C1QTNF3: variants seen among roughly 807,000 people sequenced by gnomAD.
C1QTNF3 encodes the protein C1q and TNF related 3, also known as complement C1q tumor necrosis factor-related protein 3.
A neutral mutation model predicts 32.6 loss-of-function variants in C1QTNF3; 26 were observed. The observed-to-expected ratio is 0.80, with a 90% CI of 0.58 to 1.11. The LOEUF (loss-of-function observed/expected upper bound fraction) is 1.11, where lower values mean the gene tolerates loss of function less well. C1QTNF3 is among the 50% of genes least tolerant of loss of function. The pLI is 0.00. For missense variants in C1QTNF3, 362 were observed against 398.2 expected, an observed-to-expected ratio of 0.91 and a Z score of 0.77; for synonymous variants, 155 against 146.0, an observed-to-expected ratio of 1.06 and a Z score of -0.44.
chr5:34,054,605 A>T, the C1QTNF3 span, among the ~76,000 whole-genome samples: 1 of 152,232 alleles, frequency 6.6e-6, no homozygotes, highest in East Asian at 1.9e-4. Flanking sequence ...TCTAAGCCTG[A>T]TCACTCCAGG....
chr5:34,166,462 G>A, the C1QTNF3 span: 1 of 151,956 alleles, frequency 6.6e-6, no homozygotes, highest in African/African-American at 2.4e-5. Flanking sequence ...TCTAGTTCTC[G>A]ACTTATATAG....
At chr5:34,053,293 C>G in the C1QTNF3 span, among the ~76,000 whole-genome samples, 1 of 152,164 alleles carries the variant, frequency 6.6e-6, no homozygotes, top group African/African-American at 2.4e-5. Context: ...GACACTCCAC[C>G]CGAACCACAA....
the C1QTNF3 span, among the ~76,000 whole-genome samples, chr5:34,123,592 C>T: frequency 1.3e-5 from 2 of 149,516 alleles, no homozygotes; most frequent in Admixed American, 6.8e-5. Flanking sequence ...ATGTTGTACT[C>T]CCAATTTCCA....
chr5:34,059,833 A>G, the C1QTNF3 span, among the ~76,000 whole-genome samples: 8 of 152,194 alleles, frequency 5.3e-5, no homozygotes, highest in Non-Finnish European at 1.2e-4. Flanking sequence ...CCATAACAAT[A>G]GCTATGACCT....
At chr5:34,162,614 G>C in the C1QTNF3 span, among the ~76,000 whole-genome samples, 1 of 152,026 alleles carries the variant, frequency 6.6e-6, no homozygotes. Flanking sequence ...GTTTTTATAT[G>C]CAAGTTCTCT....
At chr5:34,093,807 T>A in the C1QTNF3 span, among the ~76,000 whole-genome samples, 1 of 152,108 alleles carries the variant, frequency 6.6e-6, no homozygotes, top group African/African-American at 2.4e-5. Context: ...CATCACACAC[T>A]CTGTATTCTG....
the C1QTNF3 span, chr5:34,175,334 C>A: frequency 0.017 from 2,723 of 159,528 alleles, 75 homozygotes; most frequent in African/African-American, 0.061. Flanking sequence ...CATGAGCCAC[C>A]ATGCGGTCTG....
chr5:34,083,714 G>A, the C1QTNF3 span, among the ~76,000 whole-genome samples: 6 of 151,802 alleles, frequency 4.0e-5, no homozygotes, highest in East Asian at 5.8e-4. Flanking sequence ...ACTAAATGCC[G>A]GTAGTAATTC....
At chr5:34,233,711 T>G in the C1QTNF3 span, among the ~76,000 whole-genome samples, 4,799 of 152,142 alleles carry the variant, frequency 0.032, 115 homozygotes, top group African/African-American at 0.058. Flanking sequence ...CGTTTTTTTT[T>G]TTGTTGTTGG....
chr5:34,195,936 G>A, the C1QTNF3 span, among the ~76,000 whole-genome samples: 2 of 152,304 alleles, frequency 1.3e-5, no homozygotes, highest in Non-Finnish European at 2.9e-5. Flanking sequence ...TTTAGATGAG[G>A]TCATGAGAAT....
upstream of C1QTNF3, among the ~76,000 whole-genome samples, chr5:34,044,566 G>A (rs1200960957): frequency 1.3e-5 from 2 of 152,160 alleles, no homozygotes; most frequent in Non-Finnish European, 2.9e-5. Context: ...GCCATCTCTG[G>A]AAGTGGCCAG....
chr5:34,203,126 AAACAC>A, the C1QTNF3 span, among the ~76,000 whole-genome samples: 3 of 152,216 alleles, frequency 2.0e-5, no homozygotes, highest in East Asian at 5.8e-4. Context: ...ATCATCATCA[AAACAC>A]ATGAAAGTAG....
At chr5:34,208,418 G>A in the C1QTNF3 span, among the ~76,000 whole-genome samples, 2 of 151,820 alleles carry the variant, frequency 1.3e-5, no homozygotes, top group Admixed American at 6.6e-5. Flanking sequence ...GGGAACTATC[G>A]TGTACACTGT....
the C1QTNF3 span, among the ~76,000 whole-genome samples, chr5:34,197,916 C>T: frequency 1.9e-4 from 29 of 152,010 alleles, no homozygotes; most frequent in Admixed American, 4.6e-4. Flanking sequence ...GGGTCAAGGA[C>T]GCTTTTTGGG....
intron 2 of C1QTNF3, among the ~76,000 whole-genome samples, chr5:34,034,342 T>C (rs1287841277): frequency 2.6e-5 from 4 of 152,248 alleles, no homozygotes; most frequent in Non-Finnish European, 4.4e-5. Flanking sequence ...TCATTCTGTA[T>C]ATTTTTCTGT....
the C1QTNF3 span, among the ~76,000 whole-genome samples, chr5:34,113,725 C>A: frequency 6.6e-6 from 1 of 151,974 alleles, no homozygotes; most frequent in Non-Finnish European, 1.5e-5. Flanking sequence ...ACATATATTT[C>A]ACTTCATAAA....
In C1QTNF3 at chr5:34,043,213, T is replaced by A; in HGVS notation, c.-88A>T. ...CTCGGGCAGATGCCAGGACTGGAGC[T>A]GAGAGCTGCAGCGGCGGAGTGGTTT... On this transcript the variant is annotated 5_prime_UTR_variant, in exon 1 of 6. Transcript: ENST00000382065. 7.2e-7 allele frequency: 1 copy of A among 1,389,764 alleles called. No homozygotes were observed. Among genetic ancestry groups the A allele is most frequent in the Non-Finnish European group, 9.8e-7 (1 of 1,024,756 alleles). 86.1% of individuals were successfully genotyped at this position (1,389,764 alleles called of 1,614,324 possible).
upstream of C1QTNF3, among the ~76,000 whole-genome samples, chr5:34,044,831 C>T (rs140646552): frequency 6.6e-6 from 1 of 152,312 alleles, no homozygotes; most frequent in Non-Finnish European, 1.5e-5. Flanking sequence ...AAACCTTCCT[C>T]ACTGGAGGAT....
the C1QTNF3 span, among the ~76,000 whole-genome samples, chr5:34,174,111 G>A: frequency 6.6e-6 from 1 of 152,218 alleles, no homozygotes; most frequent in African/African-American, 2.4e-5. Context: ...AGGCGGGAGT[G>A]CAGTGGCACC....
Sources: gnomAD v4.1 joint callset for allele counts (sites outside exome capture counted in the v4.1 genomes callset) on GRCh38, gnomAD v4.1.1 for gene constraint, MANE v1.5 for transcripts, NCBI Gene and HGNC (gene_info 2026-07-23, HGNC 2026-07-21) for gene names.